Variants in PLPP3 observed in about 807,000 individuals in gnomAD.
PLPP3 encodes phospholipid phosphatase 3, also known as PAP2 beta.
PLPP3 carries 6 observed loss-of-function variants against 29.6 expected under a neutral mutation model. That is an observed-to-expected ratio of 0.20 (90% CI 0.11 to 0.40). The LOEUF is 0.40. Ranked by LOEUF, PLPP3 falls within the 10% of genes least tolerant of loss-of-function variation. The pLI, the probability that PLPP3 is intolerant of heterozygous loss-of-function variation, is 1.00. For missense variants in PLPP3, 308 were observed against 407.7 expected, an observed-to-expected ratio of 0.76 and a Z score of 2.11; for synonymous variants, 152 against 159.7, an observed-to-expected ratio of 0.95 and a Z score of 0.36.
chr1:56,567,398 T>TC (rs1231586726), intron 1 of PLPP3, among the ~76,000 whole-genome samples: 1 of 107,574 alleles, frequency 9.3e-6, no homozygotes, highest in East Asian at 2.3e-4. Context: ...TATTTCTTTT[T>TC]TTTTTTTTTT....
chr1:56,506,681 G>A (rs72664324), intron 5 of PLPP3, among the ~76,000 whole-genome samples: 15,236 of 152,228 alleles, frequency 0.1, 743 homozygotes, highest in African/African-American at 0.13. Flanking sequence ...GAAATGAACC[G>A]ATGTCTGTTC....
chr1:56,539,796 A>C (rs1001029333), intron 1 of PLPP3, among the ~76,000 whole-genome samples: 2 of 152,186 alleles, frequency 1.3e-5, no homozygotes, highest in Non-Finnish European at 2.9e-5. Flanking sequence ...AATGCAACCA[A>C]GTTGGCTATG....
intron 1 of PLPP3, among the ~76,000 whole-genome samples, chr1:56,573,561 C>T (rs908320924): frequency 6.6e-6 from 1 of 152,192 alleles, no homozygotes; most frequent in Non-Finnish European, 1.5e-5. Flanking sequence ...TTATAAAACA[C>T]AGAATCCCAG....
At position 56,500,201 on chromosome 1, in the gene PLPP3, A is replaced by T. The variant is rs146949919; in HGVS notation, c.811-3525T>A. Among the ~76,000 whole-genome samples, 356 of 152,380 alleles carry T rather than the reference A, an allele frequency of 2.3e-3. 1 individual carries two copies. The highest frequency in any genetic ancestry group is 8.1e-3 in the African/African-American group (338 of 41,586). ...CTATGTGTTAAACTCCAAAAATATG[A>T]AGATGAATATATATAAGACAGTCTT... On this transcript the variant is annotated intron_variant, in intron 5 of 5. Coordinates refer to ENST00000371250, the MANE Select transcript of PLPP3 (RefSeq NM_003713.5).
chr1:56,508,219 T>C (rs1294698602), intron 5 of PLPP3, among the ~76,000 whole-genome samples: 1 of 152,100 alleles, frequency 6.6e-6, no homozygotes, highest in East Asian at 1.9e-4. Context: ...AACTCAGGTG[T>C]TGGAAAATAT....
At chr1:56,542,005 G>C (rs957451831) in intron 1 of PLPP3, among the ~76,000 whole-genome samples, 1 of 149,810 alleles carries the variant, frequency 6.7e-6, no homozygotes, top group Non-Finnish European at 1.5e-5. Context: ...AGTGCAGACC[G>C]AGACCCAGAC....
At chr1:56,552,348 C>G (rs969791279) in intron 1 of PLPP3, among the ~76,000 whole-genome samples, 34 of 152,092 alleles carry the variant, frequency 2.2e-4, no homozygotes, top group African/African-American at 8.2e-4. Context: ...ATAAGACTTC[C>G]AAGTGATTTT....
intron 5 of PLPP3, among the ~76,000 whole-genome samples, chr1:56,511,378 A>G (rs983311693): frequency 2.6e-5 from 4 of 152,118 alleles, no homozygotes; most frequent in Non-Finnish European, 5.9e-5. Flanking sequence ...GACTCGATGT[A>G]CGAGGGCCTC....
chr1:56,569,182 T>C (rs1016641393), intron 1 of PLPP3, among the ~76,000 whole-genome samples: 1 of 152,148 alleles, frequency 6.6e-6, no homozygotes, highest in Non-Finnish European at 1.5e-5. Flanking sequence ...GTTTTTTGTT[T>C]TTGTTTTTTT....
chr1:56,554,265 T>C (rs1186889236), intron 1 of PLPP3, among the ~76,000 whole-genome samples: 2 of 152,084 alleles, frequency 1.3e-5, no homozygotes, highest in South Asian at 4.1e-4. Context: ...GACGGGTTAC[T>C]GTGAAGTTTA....
At chr1:56,518,734 T>C (rs934875298) in intron 4 of PLPP3, among the ~76,000 whole-genome samples, 2 of 149,028 alleles carry the variant, frequency 1.3e-5, no homozygotes, top group Non-Finnish European at 3.0e-5. Flanking sequence ...TATATATATA[T>C]AGACAGGGTC....
intron 2 of PLPP3, among the ~76,000 whole-genome samples, chr1:56,531,909 T>A (rs142653588): frequency 0.01 from 1,568 of 152,302 alleles, 20 homozygotes; most frequent in African/African-American, 0.036. Flanking sequence ...AAATGTTATC[T>A]GACTCTCCAC....
chr1:56,504,027 C>A (rs1407954331), intron 5 of PLPP3, among the ~76,000 whole-genome samples: 1 of 152,184 alleles, frequency 6.6e-6, no homozygotes, highest in African/African-American at 2.4e-5. Context: ...CCACCTTGGC[C>A]TCCTAAAGCG....
intron 1 of PLPP3, among the ~76,000 whole-genome samples, chr1:56,546,193 G>C (rs1023664394): frequency 1.1e-4 from 16 of 152,194 alleles, no homozygotes; most frequent in Non-Finnish European, 1.9e-4. Flanking sequence ...CTTCCCGCAG[G>C]GAGCATATAC....
chr1:56,579,032 G>A lies in PLPP3; in HGVS notation c.-16C>T, dbSNP rs1646258500. On this transcript the variant is annotated 5_prime_UTR_variant, in exon 1 of 6. Transcript: ENST00000371250. ...AGTTTTGCATGGCGCTGGCTGCGGCGCGAGCCTCCCGCCCCGCGAAGACGT... is the reference window on the plus strand; with the variant it reads ...AGTTTTGCATGGCGCTGGCTGCGGCACGAGCCTCCCGCCCCGCGAAGACGT... 1.9e-6 allele frequency: 3 copies of A among 1,582,374 alleles called. No homozygotes were observed. Among genetic ancestry groups the A allele is most frequent in the Admixed American group, 1.7e-5 (1 of 57,246 alleles).
At chr1:56,522,154 T>G (rs955438862) in intron 4 of PLPP3, among the ~76,000 whole-genome samples, 4 of 152,168 alleles carry the variant, frequency 2.6e-5, no homozygotes, top group African/African-American at 9.7e-5. Context: ...ACTTCTTAGA[T>G]TCAAATTGGA....
intron 1 of PLPP3, among the ~76,000 whole-genome samples, chr1:56,554,298 C>T (rs556318293): frequency 1.3e-5 from 2 of 151,978 alleles, no homozygotes; most frequent in African/African-American, 4.8e-5. Context: ...CATGGCCGGG[C>T]GCGGTGGCTG....
chr1:56,555,672 C>G (rs1646072076), intron 1 of PLPP3, among the ~76,000 whole-genome samples: 1 of 151,994 alleles, frequency 6.6e-6, no homozygotes, highest in Admixed American at 6.6e-5. Flanking sequence ...TCATGCTTGG[C>G]TAATTTCTTA....
chr1:56,506,747 T>A (rs1645704794), intron 5 of PLPP3, among the ~76,000 whole-genome samples: 1 of 152,096 alleles, frequency 6.6e-6, no homozygotes, highest in South Asian at 2.1e-4. Flanking sequence ...TTGGTAGGGG[T>A]AACTTAGTGA....
Sources: allele counts gnomAD v4.1 joint callset (sites outside exome capture counted in the v4.1 genomes callset), GRCh38; gene constraint gnomAD v4.1.1; transcripts MANE v1.5; gene names NCBI Gene and HGNC (gene_info 2026-07-23, HGNC 2026-07-21).